The following KLHL5 variants were observed in gnomAD, a reference collection of about 807,000 sequenced individuals.
The protein encoded by KLHL5 is kelch-like protein 5.
KLHL5 carries 48 observed loss-of-function variants against 77.7 expected under a neutral mutation model. The observed-to-expected ratio is 0.62, with a 90% CI of 0.49 to 0.79. The LOEUF is 0.79. Ranked by LOEUF, KLHL5 falls within the 30% of genes least tolerant of loss-of-function variation. The probability of loss-of-function intolerance (pLI) is 0.00; values close to 1 mark genes in which losing one functional copy is unlikely to be tolerated. For missense variants in KLHL5, 723 were observed against 859.7 expected (o/e 0.84, Z 1.99); for synonymous variants, 260 against 297.0 (o/e 0.88, Z 1.28).
At chr4:39,066,628 G>A (rs1717915721) in intron 1 of KLHL5, among the ~76,000 whole-genome samples, 4 of 152,220 alleles carry the variant, frequency 2.6e-5, no homozygotes, top group East Asian at 3.9e-4. Flanking sequence ...AGTTGAAAGC[G>A]CATTTTCTAT....
In KLHL5 at chr4:39,081,663, G is replaced by A. The variant is rs77809132; in HGVS notation, c.704-300G>A. Among the ~76,000 whole-genome samples the A allele has an allele frequency of 0.011, 1,564 of 147,832 alleles. 27 individuals carry two copies. Among genetic ancestry groups the A allele is most frequent in the African/African-American group, 0.037 (1,470 of 39,984 alleles). On this transcript the variant is annotated intron_variant, in intron 3 of 10. Coordinates refer to ENST00000504108, the MANE Select transcript of KLHL5 (RefSeq NM_015990.5). The surrounding 1 kb of genome is among the most constrained non-coding windows in gnomAD (Gnocchi z 4.3). Reference sequence around the variant, plus strand: ...CCAGCCTGGGCAATAGAACAAGACCGTGTCTCAAAAAAAAAAAAAAATTGA... The same window carrying A: ...CCAGCCTGGGCAATAGAACAAGACCATGTCTCAAAAAAAAAAAAAAATTGA...
At chr4:39,116,383 C>T (rs1339947291) in intron 10 of KLHL5, 1 of 151,888 alleles carries the variant, frequency 6.6e-6, no homozygotes, top group Non-Finnish European at 1.5e-5. Flanking sequence ...GGTCATGTAA[C>T]CTGAGGTCTT....
At chr4:39,113,289 C>A in intron 9 of KLHL5, 57 bp downstream of exon 9, 1 of 1,375,758 alleles carries the variant, frequency 7.3e-7, no homozygotes, top group Admixed American at 2.1e-5. Flanking sequence ...GTCTCTGATA[C>A]TTACATATAT....
At chr4:39,099,388 A>G (rs76078906) in intron 6 of KLHL5, among the ~76,000 whole-genome samples, 1 of 152,158 alleles carries the variant, frequency 6.6e-6, no homozygotes, top group Admixed American at 6.5e-5. Context: ...TTATCCCTCA[A>G]TATGCATTGA....
At position 39,124,161 on chromosome 4, in the gene KLHL5, A is replaced by T. The variant is rs998117705; in HGVS notation, c.*3095A>T. On this transcript the variant is annotated 3_prime_UTR_variant, in exon 11 of 11. Coordinates refer to ENST00000504108, the MANE Select transcript of KLHL5 (RefSeq NM_015990.5). Reference sequence around the variant, plus strand: ...AAAACGTTGCTGAAAGAAATTAAAGAAGACCTAAATAAATGGAAGACATCC... The same window carrying T: ...AAAACGTTGCTGAAAGAAATTAAAGTAGACCTAAATAAATGGAAGACATCC... Among the ~76,000 whole-genome samples, 2 of 152,190 alleles carry T rather than the reference A, an allele frequency of 1.3e-5. No individual in the cohort carries two copies. The highest frequency in any genetic ancestry group is 6.5e-5 in the Admixed American group (1 of 15,274).
rs1177021367 is a variant in KLHL5 at position 39,077,216 on chromosome 4, T to C, written c.566+1069T>C. Among the ~76,000 whole-genome samples, 12 of 152,108 alleles carry C rather than the reference T, an allele frequency of 7.9e-5. No homozygotes were observed. The East Asian group carries it at 2.1e-3, about 27-fold the overall frequency. Reference sequence around the variant, plus strand: ...GCTCATGCCTGTAATCCCAGCACTTTAGGAGGCTGAGGCAGGCAGATCACG... The same window carrying C: ...GCTCATGCCTGTAATCCCAGCACTTCAGGAGGCTGAGGCAGGCAGATCACG... On this transcript the variant is annotated intron_variant, in intron 2 of 10. Transcript: ENST00000504108.
chr4:39,131,017 ATT>A (rs11464461), downstream of KLHL5, among the ~76,000 whole-genome samples: 873 of 133,912 alleles, frequency 6.5e-3, 12 homozygotes, highest in African/African-American at 0.019. Flanking sequence ...AAATTTTTGT[ATT>A]TTTTTTTTTT....
At chr4:39,048,638 CTTT>C (rs34713116) in intron 1 of KLHL5, among the ~76,000 whole-genome samples, 25 of 79,144 alleles carry the variant, frequency 3.2e-4, no homozygotes, top group Middle Eastern at 0.019. Context: ...TTTACATTGG[CTTT>C]TTTTTTTTTT....
At chr4:39,118,308 A>G (rs911849574) in intron 10 of KLHL5, among the ~76,000 whole-genome samples, 1 of 150,780 alleles carries the variant, frequency 6.6e-6, no homozygotes, top group African/African-American at 2.4e-5. Flanking sequence ...CATAGCAAAT[A>G]AATGGTGGAG....
chr4:39,076,445 AC>A (rs1287318904), intron 2 of KLHL5, among the ~76,000 whole-genome samples: 2 of 152,198 alleles, frequency 1.3e-5, no homozygotes, highest in Non-Finnish European at 2.9e-5. Flanking sequence ...CCTATTAAAT[AC>A]TTTAAGTAAA....
upstream of KLHL5, among the ~76,000 whole-genome samples, chr4:39,057,369 A>T (rs926035849): frequency 2.0e-5 from 3 of 152,208 alleles, no homozygotes; most frequent in African/African-American, 7.2e-5. Flanking sequence ...GATATTTTTT[A>T]CATTTTTAAT....
In KLHL5 at chr4:39,096,694, C is replaced by T; in HGVS notation, c.1116C>T (p.Phe372=). The change falls in exon 6 of 11, where the codon TTC becomes TTT. Residue 372 remains phenylalanine (F), a splice_region_variant and synonymous_variant. Coordinates refer to ENST00000504108, the MANE Select transcript of KLHL5 (RefSeq NM_015990.5). ...ACATACCTACTATTCTTTTCTAGTT[C>T]CTGGCAGACATGGAAAATAATGTAC... ...YIRLPLLAPQ[F]LADMENNVLF... 2 of 1,608,944 alleles carry T rather than the reference C, an allele frequency of 1.2e-6. No individual in the cohort carries two copies. The highest frequency in any genetic ancestry group is 8.5e-7 in the Non-Finnish European group (1 of 1,175,722).
Position 39,113,109 on chromosome 4 carries a change from C to T in KLHL5, c.1778C>T (p.Ala593Val), listed in dbSNP as rs1722575964. ...DPHTNKWTLC[A>V]QMSKRRGGVG... ...CATACTAATAAGTGGACACTGTGTGCACAGATGTCAAAAAGGAGAGGTGGC... is the reference window on the plus strand; with the variant it reads ...CATACTAATAAGTGGACACTGTGTGTACAGATGTCAAAAAGGAGAGGTGGC... The change falls in exon 9 of 11, where the codon GCA becomes GTA. Residue 593 changes from alanine to valine, a missense_variant. Ala to Val is a moderately conservative substitution (Grantham distance 64). Transcript: ENST00000504108. The T allele has an allele frequency of 6.2e-7, 1 of 1,613,694 alleles. No homozygotes were observed. Among genetic ancestry groups the T allele is most frequent in the East Asian group, 2.2e-5 (1 of 44,886 alleles).
downstream of KLHL5, among the ~76,000 whole-genome samples, chr4:39,127,293 C>T (rs35116118): frequency 0.52 from 77,963 of 151,382 alleles, 20,880 homozygotes; most frequent in Non-Finnish European, 0.59. Context: ...TGCACTCCAG[C>T]CTTGGTGACA....
intron 9 of KLHL5, among the ~76,000 whole-genome samples, chr4:39,114,290 A>G (rs1478524818): frequency 1.3e-5 from 2 of 152,118 alleles, no homozygotes; most frequent in Non-Finnish European, 2.9e-5. Context: ...ATTGGAAGGG[A>G]AAGTCGGCAT....
rs1723342717 is a variant in KLHL5 at position 39,123,467 on chromosome 4, T to C, written c.*2401T>C. 6.6e-6 allele frequency among the ~76,000 whole-genome samples: 1 copy of C among 152,136 alleles called. No individual in the cohort carries two copies. The highest frequency in any genetic ancestry group is 2.1e-4 in the South Asian group (1 of 4,830). On this transcript the variant is annotated 3_prime_UTR_variant, in exon 11 of 11. Coordinates refer to ENST00000504108, the MANE Select transcript of KLHL5 (RefSeq NM_015990.5). ...TAGATGCAAAAAAACTTCAAAATACTAGCAGGCCAAATCCAGCAGCTTATT... is the reference window on the plus strand; with the variant it reads ...TAGATGCAAAAAAACTTCAAAATACCAGCAGGCCAAATCCAGCAGCTTATT...
chr4:39,097,619 CA>C (rs1407733347), intron 6 of KLHL5, among the ~76,000 whole-genome samples: 1 of 152,158 alleles, frequency 6.6e-6, no homozygotes, highest in Non-Finnish European at 1.5e-5. Context: ...AGTTGAGAGA[CA>C]GTCTACAAAA....
At chr4:39,116,940 G>A (rs1229921575) in intron 10 of KLHL5, among the ~76,000 whole-genome samples, 3 of 152,084 alleles carry the variant, frequency 2.0e-5, no homozygotes, top group Non-Finnish European at 2.9e-5. Flanking sequence ...GCATTCAAGA[G>A]ATTCCCCTGC....
At chr4:39,051,122 A>G (rs1398629271) in intron 1 of KLHL5, among the ~76,000 whole-genome samples, 3 of 152,174 alleles carry the variant, frequency 2.0e-5, no homozygotes, top group Non-Finnish European at 4.4e-5. Context: ...TTATCTGGAC[A>G]TTTTACATTT....
Sources: gnomAD v4.1 joint callset for allele counts (sites outside exome capture counted in the v4.1 genomes callset) on GRCh38, gnomAD v4.1.1 for gene constraint, Gnocchi (gnomAD v3.1) non-coding constraint, MANE v1.5 for transcripts, NCBI Gene and HGNC (gene_info 2026-07-23, HGNC 2026-07-21) for gene names.